The following JAM3 variants were observed in gnomAD, a reference collection of about 807,000 sequenced individuals.
JAM3 encodes junctional adhesion molecule 3.
A neutral mutation model predicts 39.4 loss-of-function variants in JAM3; 31 were observed. The observed-to-expected ratio is 0.79, with a 90% confidence interval of 0.59 to 1.06. JAM3 has a LOEUF of 1.06. Ranked by LOEUF, JAM3 falls within the 50% of genes least tolerant of loss-of-function variation. The pLI is 0.00. For missense variants in JAM3, 455 were observed against 391.4 expected (o/e 1.16, Z -1.37); for synonymous variants, 182 against 148.7 (o/e 1.22, Z -1.63).
At chr11:134,081,776 C>T (rs1268164461) in intron 1 of JAM3, among the ~76,000 whole-genome samples, 1 of 152,200 alleles carries the variant, frequency 6.6e-6, no homozygotes, top group African/African-American at 2.4e-5. Context: ...AGAGGGCCAC[C>T]ATCCTCCAGA....
intron 2 of JAM3, among the ~76,000 whole-genome samples, 157 bp from the exon 3 acceptor site, chr11:134,140,500 A>C (rs1453113670): frequency 6.6e-6 from 1 of 152,182 alleles, no homozygotes; most frequent in Admixed American, 6.5e-5. Flanking sequence ...TTTTTCTGGC[A>C]AAAAATCCTT....
chr11:134,103,166 G>A (rs183103409), intron 1 of JAM3, among the ~76,000 whole-genome samples: 66 of 152,238 alleles, frequency 4.3e-4, no homozygotes, highest in Non-Finnish European at 6.9e-4. Context: ...TGGATTTCTC[G>A]GCAGAAACTC....
intron 1 of JAM3, among the ~76,000 whole-genome samples, chr11:134,134,249 G>A (rs1257598180): frequency 2.0e-5 from 3 of 151,962 alleles, no homozygotes; most frequent in South Asian, 2.1e-4. Flanking sequence ...AACTACAGAA[G>A]ATTAACATAC....
At position 134,144,259 on chromosome 11, in the gene JAM3, C is replaced by T; in HGVS notation, c.275C>T (p.Ala92Val). The change falls in exon 4 of 9, where the codon GCA becomes GTA. Residue 92 changes from alanine to valine, a missense_variant. Transcript: ENST00000299106. ...NKIQGDLAGR[A>V]EILGKTSLKI... ...TCTGTAGGAGACTTGGCGGGTCGTG[C>T]AGAAATACTGGGGAAGACATCCCTG... The T allele has an allele frequency of 6.2e-7, 1 of 1,614,116 alleles. No individual in the cohort carries two copies. Among genetic ancestry groups the T allele is most frequent in the Non-Finnish European group, 8.5e-7 (1 of 1,180,032 alleles).
chr11:134,149,099 T>A, intron 8 of JAM3, 47 bp from the exon 9 acceptor site: 2 of 1,612,328 alleles, frequency 1.2e-6, no homozygotes, highest in Non-Finnish European at 8.5e-7. Context: ...TTTTCCCTGC[T>A]TGCCACCAGG....
chr11:134,140,510 T>C (rs1942955012), intron 2 of JAM3, 147 bp from the exon 3 acceptor site: 1 of 687,750 alleles, frequency 1.5e-6, no homozygotes, highest in East Asian at 2.8e-5. Flanking sequence ...AAAAAATCCT[T>C]TCTCAAAGTC....
At chr11:134,088,157 T>C (rs747150216) in intron 1 of JAM3, among the ~76,000 whole-genome samples, 20 of 152,180 alleles carry the variant, frequency 1.3e-4, no homozygotes, top group Non-Finnish European at 2.6e-4. Context: ...TTTATTAATA[T>C]ACTGCCAACC....
chr11:134,126,264 C>T (rs148289731), intron 1 of JAM3: 3 of 152,326 alleles, frequency 2.0e-5, no homozygotes, highest in African/African-American at 7.2e-5. Context: ...GCTCTCTACC[C>T]TGCATTTGCT....
rs559083485 is a variant in JAM3 at position 134,112,117 on chromosome 11, C to T, written c.77-27734C>T. On this transcript the variant is annotated intron_variant, in intron 1 of 8. Coordinates refer to ENST00000299106, the MANE Select transcript of JAM3 (RefSeq NM_032801.5). The stretch of plus-strand genomic sequence containing the variant: ...TTATTTATTTATTGAGACAGAGCCT[C>T]GCTCTGTTGCCCAGTATGGAGTGTG... Among the ~76,000 whole-genome samples, 10 of 152,332 alleles carry T rather than the reference C, an allele frequency of 6.6e-5. No individual in the cohort carries two copies. In the East Asian group the frequency reaches 9.6e-4, roughly 15 times the overall value.
At position 134,093,129 on chromosome 11, in the gene JAM3, T is replaced by TC. The variant is rs1361199135; in HGVS notation, c.76+23971dup. ...CCTGAGGGAAGCTTCTCCTGAGCCC[T>TC]CTTTATTCATCATGTTCTATCTTAC... On this transcript the variant is annotated intron_variant, in intron 1 of 8. Coordinates refer to ENST00000299106, the MANE Select transcript of JAM3 (RefSeq NM_032801.5). 2.4e-3 allele frequency among the ~76,000 whole-genome samples: 309 copies of TC among 129,296 alleles called. 95 individuals carry two copies. The highest frequency in any genetic ancestry group is 9.3e-3 in the African/African-American group (295 of 31,712). 84.8% of individuals were successfully genotyped at this position (129,296 alleles called of 152,430 possible). A position where few individuals can be genotyped will look rare whatever the true frequency, so the allele number is the denominator to read the frequency against.
Position 134,144,335 on chromosome 11 carries a change from C to A in JAM3, c.351C>A (p.Val117=). Residue 117 remains valine (V), a synonymous_variant, in exon 4 of 9, where the codon GTC becomes GTA. Coordinates refer to ENST00000299106, the MANE Select transcript of JAM3 (RefSeq NM_032801.5). The part of the protein sequence containing the change: ...RRDSALYRCE[V]VARNDRKEID... Reference sequence around the variant, plus strand: ...ACTCAGCCCTTTATCGCTGTGAGGTCGTTGCTCGAAATGACCGCAAGGAAA... The same window carrying A: ...ACTCAGCCCTTTATCGCTGTGAGGTAGTTGCTCGAAATGACCGCAAGGAAA... 6.2e-7 allele frequency: 1 copy of A among 1,614,138 alleles called. No homozygotes were observed. Among genetic ancestry groups the A allele is most frequent in the Admixed American group, 1.7e-5 (1 of 60,012 alleles).
At chr11:134,144,066 A>G (rs910662792) in intron 3 of JAM3, among the ~76,000 whole-genome samples, 175 bp from the exon 4 acceptor site, 1 of 152,008 alleles carries the variant, frequency 6.6e-6, no homozygotes, top group Non-Finnish European at 1.5e-5. Flanking sequence ...ACAGATAGGA[A>G]TAGGTCATGG....
At chr11:134,102,127 T>A (rs908003116) in intron 1 of JAM3, among the ~76,000 whole-genome samples, 1 of 152,156 alleles carries the variant, frequency 6.6e-6, no homozygotes, top group African/African-American at 2.4e-5. Flanking sequence ...ATTTCATAGA[T>A]GAGAAAACTG....
intron 1 of JAM3, chr11:134,124,347 G>C: frequency 1.4e-6 from 1 of 736,736 alleles, no homozygotes; most frequent in Non-Finnish European, 2.5e-6. Flanking sequence ...TGAAAAATGT[G>C]AGTGTGCGTG....
At chr11:134,146,578 C>G (rs1290106914) in intron 6 of JAM3, among the ~76,000 whole-genome samples, 28 of 150,952 alleles carry the variant, frequency 1.9e-4, no homozygotes, top group Admixed American at 1.8e-3. Flanking sequence ...AAACAAAAAA[C>G]AAAAAACACC....
intron 1 of JAM3, among the ~76,000 whole-genome samples, chr11:134,094,362 TC>T (rs1170179258): frequency 7.0e-6 from 1 of 141,990 alleles, no homozygotes; most frequent in Non-Finnish European, 1.5e-5. Flanking sequence ...ACATGTCACT[TC>T]CTGAGGGAAG....
intron 1 of JAM3, among the ~76,000 whole-genome samples, chr11:134,123,225 GT>G (rs1425081543): frequency 7.0e-6 from 1 of 142,054 alleles, no homozygotes; most frequent in Non-Finnish European, 1.6e-5. Context: ...TTATTTGTTT[GT>G]TTATTTATTT....
intron 1 of JAM3, among the ~76,000 whole-genome samples, chr11:134,075,563 A>G (rs1018759214): frequency 6.6e-6 from 1 of 152,174 alleles, no homozygotes; most frequent in Non-Finnish European, 1.5e-5. Context: ...CATTTGTTTC[A>G]CGGGCTCTGG....
chr11:134,123,844 C>G (rs894598197), intron 1 of JAM3: 1 of 797,456 alleles, frequency 1.3e-6, no homozygotes, highest in Admixed American at 1.7e-5. Flanking sequence ...CAGCAGTGCC[C>G]GTTGGTATCT....
Sources: gnomAD v4.1 joint callset for allele counts (sites outside exome capture counted in the v4.1 genomes callset) on GRCh38, gnomAD v4.1.1 for gene constraint, MANE v1.5 for transcripts, NCBI Gene and HGNC (gene_info 2026-07-23, HGNC 2026-07-21) for gene names.